The following FMNL2 variants were observed in gnomAD, a reference collection of about 807,000 sequenced individuals.
FMNL2 encodes formin like 2.
In FMNL2, 51 loss-of-function variants were observed where a neutral mutation model predicts 130.2. The observed-to-expected ratio is 0.39, with a 90% CI of 0.31 to 0.49. The LOEUF is 0.49. Among genes scored for constraint, FMNL2 ranks in the 20% least tolerant of loss-of-function variants. The pLI, the probability that FMNL2 is intolerant of heterozygous loss-of-function variation, is 0.85. For missense variants in FMNL2, 977 were observed against 1,316.2 expected (o/e 0.74, Z 3.99); for synonymous variants, 465 against 467.1 (o/e 1.00, Z 0.06).
In FMNL2 at chr2:152,348,285, A is replaced by G. The variant is rs545785336; in HGVS notation, c.117+12565A>G. On this transcript the variant is annotated intron_variant, in intron 1 of 25. Transcript: ENST00000288670. ...ATGTAGCTTTGTAGTTGCTCATTAC[A>G]TTCTTAGCCATTTGTTTGTGTCTTT... Among the ~76,000 whole-genome samples the G allele has an allele frequency of 4.6e-5, 7 of 152,294 alleles. No individual in the cohort carries two copies. The East Asian group carries it at 1.2e-3, about 25-fold the overall frequency.
intron 1 of FMNL2, among the ~76,000 whole-genome samples, chr2:152,467,495 C>CT (rs1689617674): frequency 1.3e-5 from 2 of 152,202 alleles, no homozygotes; most frequent in African/African-American, 4.8e-5. Context: ...AAATCGAAGG[C>CT]TGACAGAGCT....
chr2:152,354,204 C>G (rs1682665760), intron 1 of FMNL2, among the ~76,000 whole-genome samples: 1 of 152,102 alleles, frequency 6.6e-6, no homozygotes, highest in Non-Finnish European at 1.5e-5. Context: ...GCAGCTTGTT[C>G]ACAATGAGAA....
intron 1 of FMNL2, among the ~76,000 whole-genome samples, chr2:152,428,816 A>T (rs909017524): frequency 6.6e-6 from 1 of 152,156 alleles, no homozygotes; most frequent in African/African-American, 2.4e-5. Flanking sequence ...TGGGGTAGAA[A>T]GTGTTTCTAG....
At chr2:152,336,030 G>GA (rs1255758125) in intron 1 of FMNL2, among the ~76,000 whole-genome samples, 1 of 151,796 alleles carries the variant, frequency 6.6e-6, no homozygotes. Flanking sequence ...GCGTGGGCGT[G>GA]AAGAGAAGGT....
chr2:152,495,603 A>G (rs1691459668), intron 1 of FMNL2, among the ~76,000 whole-genome samples: 1 of 141,940 alleles, frequency 7.0e-6, no homozygotes. Context: ...ATGAGCCGAG[A>G]TCGTGCCATT....
intron 1 of FMNL2, among the ~76,000 whole-genome samples, chr2:152,435,326 C>A (rs1687694133): frequency 6.6e-6 from 1 of 152,062 alleles, no homozygotes; most frequent in South Asian, 2.1e-4. Context: ...TCCAAAAAAT[C>A]TAAAGGGCAA....
chr2:152,390,860 A>G (rs1171464950), intron 1 of FMNL2, among the ~76,000 whole-genome samples: 2 of 152,226 alleles, frequency 1.3e-5, no homozygotes, highest in Non-Finnish European at 2.9e-5. Flanking sequence ...AAAAACAGAA[A>G]TAAGTACTGA....
intron 1 of FMNL2, among the ~76,000 whole-genome samples, chr2:152,433,113 T>C (rs538901290): frequency 2.0e-5 from 3 of 152,324 alleles, no homozygotes; most frequent in South Asian, 4.1e-4. Flanking sequence ...GAATAAATGG[T>C]AGGCCACTTA....
chr2:152,362,814 A>G (rs1457025028), intron 1 of FMNL2, among the ~76,000 whole-genome samples: 3 of 152,234 alleles, frequency 2.0e-5, no homozygotes, highest in Non-Finnish European at 4.4e-5. Flanking sequence ...TAGATAAACC[A>G]AATGTAGTAT....
chr2:152,488,901 C>A (rs1380286898), intron 1 of FMNL2, among the ~76,000 whole-genome samples: 1 of 151,876 alleles, frequency 6.6e-6, no homozygotes, highest in Admixed American at 6.6e-5. Flanking sequence ...AACATAGACT[C>A]CATCTACAAA....
At chr2:152,424,086 A>G (rs181548496) in intron 1 of FMNL2, among the ~76,000 whole-genome samples, 2 of 152,270 alleles carry the variant, frequency 1.3e-5, no homozygotes, top group Non-Finnish European at 2.9e-5. Context: ...TTCACTAAAA[A>G]TTACCTTTCT....
At chr2:152,523,010 T>C (rs534727414) in intron 2 of FMNL2, among the ~76,000 whole-genome samples, 2 of 152,300 alleles carry the variant, frequency 1.3e-5, no homozygotes, top group South Asian at 4.1e-4. Flanking sequence ...CGGGCCCCAA[T>C]GCCGTGTGCA....
At chr2:152,456,240 G>T (rs1339329104) in intron 1 of FMNL2, among the ~76,000 whole-genome samples, 1 of 152,224 alleles carries the variant, frequency 6.6e-6, no homozygotes, top group Non-Finnish European at 1.5e-5. Flanking sequence ...GAAAGAGGAA[G>T]AAGACTTTGT....
chr2:152,530,485 G>C (rs1223283195), intron 2 of FMNL2, among the ~76,000 whole-genome samples: 1 of 152,054 alleles, frequency 6.6e-6, no homozygotes, highest in Non-Finnish European at 1.5e-5. Flanking sequence ...AAAGTTTTTT[G>C]AGAAAACCAC....
At chr2:152,374,211 T>A (rs1181315415) in intron 1 of FMNL2, among the ~76,000 whole-genome samples, 2 of 152,138 alleles carry the variant, frequency 1.3e-5, no homozygotes, top group Non-Finnish European at 2.9e-5. Context: ...CAAAGGGGAA[T>A]CCTTCACCCT....
chr2:152,604,358 A>G (rs1410047956), intron 9 of FMNL2, among the ~76,000 whole-genome samples: 3 of 150,970 alleles, frequency 2.0e-5, no homozygotes, highest in Non-Finnish European at 4.4e-5. Context: ...AGATTATGCA[A>G]AAGGCATTTT....
chr2:152,417,675 T>C (rs1686687179), intron 1 of FMNL2, among the ~76,000 whole-genome samples: 1 of 152,148 alleles, frequency 6.6e-6, no homozygotes, highest in South Asian at 2.1e-4. Context: ...TGCTTCCATC[T>C]ACGGTTGCTG....
At chr2:152,614,047 T>G (rs529171846) in intron 11 of FMNL2, among the ~76,000 whole-genome samples, 4 of 152,258 alleles carry the variant, frequency 2.6e-5, no homozygotes, top group African/African-American at 9.6e-5. Flanking sequence ...TGTGCTAAAA[T>G]AATCCCCAAG....
chr2:152,649,247 A>G lies in FMNL2; in HGVS notation c.*1342A>G, dbSNP rs1018321343. On this transcript the variant is annotated 3_prime_UTR_variant, in exon 26 of 26. Transcript: ENST00000288670. Reference sequence around the variant, plus strand: ...TAAATGTACAGATATTTTGCTATAAAATCGGTGCAGTTTTTTATGGTTTTT... The same window carrying G: ...TAAATGTACAGATATTTTGCTATAAGATCGGTGCAGTTTTTTATGGTTTTT... 1.3e-5 allele frequency: 2 copies of G among 152,562 alleles called. No individual in the cohort carries two copies. The highest frequency in any genetic ancestry group is 4.8e-5 in the African/African-American group (2 of 41,424). The allele number at this position is 152,562 out of a possible 1,614,324, so 9.5% of individuals were successfully genotyped here.
Sources: gnomAD v4.1 joint callset for allele counts (sites outside exome capture counted in the v4.1 genomes callset) on GRCh38, gnomAD v4.1.1 for gene constraint, MANE v1.5 for transcripts, NCBI Gene and HGNC (gene_info 2026-07-23, HGNC 2026-07-21) for gene names.